NRCAM: variants seen among roughly 807,000 people sequenced by gnomAD.
NRCAM encodes the protein neuronal cell adhesion molecule, also known as NgCAM-related cell adhesion molecule.
NRCAM carries 83 observed loss-of-function variants against 156.5 expected under a neutral mutation model. That is an observed-to-expected ratio of 0.53 (90% CI 0.44 to 0.64). The LOEUF is 0.64. Among genes scored for constraint, NRCAM ranks in the 30% least tolerant of loss-of-function variants. NRCAM has a pLI of 0.00. For synonymous variants in NRCAM, 538 were observed against 563.9 expected (o/e 0.95, Z 0.65); for missense variants, 1,417 against 1,597.3 (o/e 0.89, Z 1.92).
At chr7:108,207,476 G>A (rs913661997) in intron 13 of NRCAM, 52 bp downstream of exon 13, 1 of 1,575,590 alleles carries the variant, frequency 6.3e-7, no homozygotes, top group Non-Finnish European at 8.7e-7. Context: ...CTGTCGGGAT[G>A]TATATATGCT....
intron 3 of NRCAM, among the ~76,000 whole-genome samples, chr7:108,305,128 A>G (rs1029943007): frequency 2.0e-5 from 3 of 152,184 alleles, no homozygotes; most frequent in Non-Finnish European, 2.9e-5. Flanking sequence ...TGGTTTGGGT[A>G]GAATATATTT....
At chr7:108,261,131 G>A (rs2096873637) in intron 3 of NRCAM, among the ~76,000 whole-genome samples, 1 of 152,174 alleles carries the variant, frequency 6.6e-6, no homozygotes, top group East Asian at 1.9e-4. Context: ...GGTCCAAGCT[G>A]ACTTGGAAAT....
chr7:108,415,708 C>T (rs1354020312), intron 1 of NRCAM, among the ~76,000 whole-genome samples: 2 of 152,138 alleles, frequency 1.3e-5, no homozygotes, highest in African/African-American at 4.8e-5. Flanking sequence ...TGGCAAAACC[C>T]TGCCTCTACT....
intron 11 of NRCAM, among the ~76,000 whole-genome samples, chr7:108,210,467 C>G (rs181190492): frequency 6.6e-6 from 1 of 152,110 alleles, no homozygotes; most frequent in Non-Finnish European, 1.5e-5. Context: ...AGTATGGTCT[C>G]GATCTCCTGA....
At chr7:108,352,715 C>T (rs145474497) in intron 2 of NRCAM, among the ~76,000 whole-genome samples, 1 of 152,256 alleles carries the variant, frequency 6.6e-6, no homozygotes, top group East Asian at 1.9e-4. Flanking sequence ...TTCATTCCCA[C>T]TTGGGGGAAA....
rs2097024529 is a variant in NRCAM, at chr7:108,264,757, T to G, written c.-106-24587A>C. Among the ~76,000 whole-genome samples, 3 of 152,234 alleles carry G rather than the reference T, an allele frequency of 2.0e-5. No individual in the cohort carries two copies. In the South Asian group the frequency reaches 6.2e-4, roughly 32 times the overall value. ...TCTCTTTCCCTGGGTTGTCTTCTCC[T>G]AACCAGAAATCAGAGCCTGTATCCA... is the stretch of plus-strand genomic sequence containing the variant. On this transcript the variant is annotated intron_variant, in intron 3 of 32. Coordinates refer to ENST00000379028, the MANE Select transcript of NRCAM (RefSeq NM_001037132.4).
chr7:108,225,607 T>C (rs1470870080), intron 10 of NRCAM, 38 bp downstream of exon 10: 1 of 1,280,422 alleles, frequency 7.8e-7, no homozygotes, highest in Admixed American at 1.7e-5. Flanking sequence ...AATTCTACAA[T>C]GAAGGAGAGA....
At chr7:108,256,786 C>T (rs1177166238) in intron 3 of NRCAM, among the ~76,000 whole-genome samples, 6 of 151,974 alleles carry the variant, frequency 3.9e-5, no homozygotes, top group Admixed American at 6.6e-5. Context: ...GAGGCCAAGG[C>T]GGGCGGATTA....
At chr7:108,174,128 A>G (rs2059581490) in intron 28 of NRCAM, among the ~76,000 whole-genome samples, 1 of 152,242 alleles carries the variant, frequency 6.6e-6, no homozygotes, top group Non-Finnish European at 1.5e-5. Context: ...GGAAGGAAGT[A>G]TACAAATAAA....
At chr7:108,219,939 T>A (rs2091534840) in intron 11 of NRCAM, among the ~76,000 whole-genome samples, 1 of 152,186 alleles carries the variant, frequency 6.6e-6, no homozygotes, top group Admixed American at 6.5e-5. Context: ...TATGATCATT[T>A]ACCTTGAAAA....
chr7:108,421,743 C>T (rs374913805), intron 1 of NRCAM, among the ~76,000 whole-genome samples: 2 of 152,128 alleles, frequency 1.3e-5, no homozygotes, highest in Admixed American at 6.5e-5. Context: ...GGGTAGCAAC[C>T]ACTGACAGAG....
intron 2 of NRCAM, among the ~76,000 whole-genome samples, chr7:108,396,376 A>C (rs1195880624): frequency 6.6e-6 from 1 of 152,172 alleles, no homozygotes; most frequent in South Asian, 2.1e-4. Context: ...AGAACAATTC[A>C]TTGTCTTCAA....
chr7:108,341,136 C>T (rs1253353981), intron 2 of NRCAM, among the ~76,000 whole-genome samples: 1 of 152,112 alleles, frequency 6.6e-6, no homozygotes, highest in Admixed American at 6.5e-5. Context: ...TCATCCATGC[C>T]CCTTATGTCA....
intron 2 of NRCAM, among the ~76,000 whole-genome samples, chr7:108,321,095 C>T (rs1480703769): frequency 6.6e-6 from 1 of 152,192 alleles, no homozygotes; most frequent in African/African-American, 2.4e-5. Context: ...GCTCATATAA[C>T]TTGCATAATT....
At chr7:108,247,128 CTT>C (rs1184822854) in intron 3 of NRCAM, among the ~76,000 whole-genome samples, 3 of 152,094 alleles carry the variant, frequency 2.0e-5, no homozygotes, top group Non-Finnish European at 4.4e-5. Context: ...GAGCCAGTGA[CTT>C]TTTAAACTAC....
chr7:108,309,375 T>C (rs2098767696), intron 3 of NRCAM, among the ~76,000 whole-genome samples: 1 of 152,198 alleles, frequency 6.6e-6, no homozygotes, highest in Admixed American at 6.5e-5. Flanking sequence ...GATCCCTGTC[T>C]TGGTTTTTAT....
At chr7:108,348,628 T>C (rs962814349) in intron 2 of NRCAM, among the ~76,000 whole-genome samples, 9 of 151,954 alleles carry the variant, frequency 5.9e-5, no homozygotes, top group East Asian at 3.9e-4. Flanking sequence ...AAAATAAGAA[T>C]TGGGGCCGGG....
At chr7:108,210,258 T>G (rs1445753086) in intron 11 of NRCAM, among the ~76,000 whole-genome samples, 7 of 151,872 alleles carry the variant, frequency 4.6e-5, no homozygotes, top group African/African-American at 9.7e-5. Context: ...GTTTTGTTTT[T>G]TTTTTTGAGA....
chr7:108,174,696 GGA>G (rs1404789342), intron 28 of NRCAM, among the ~76,000 whole-genome samples: 1 of 152,252 alleles, frequency 6.6e-6, no homozygotes, highest in Admixed American at 6.5e-5. Context: ...TTACTCAGGA[GGA>G]AGAGACTTAG....
Sources: allele counts gnomAD v4.1 joint callset (sites outside exome capture counted in the v4.1 genomes callset), GRCh38; gene constraint gnomAD v4.1.1; transcripts MANE v1.5; gene names NCBI Gene and HGNC (gene_info 2026-07-23, HGNC 2026-07-21).